Variants in TECTA observed in about 807,000 individuals in gnomAD.
TECTA encodes the protein alpha-tectorin.
A neutral mutation model predicts 216.8 loss-of-function variants in TECTA; 128 were observed. The ratio of observed to expected loss-of-function variants is 0.59; its 90% CI spans 0.51 to 0.68. The LOEUF is 0.68. Among genes scored for constraint, TECTA ranks in the 30% least tolerant of loss-of-function variants. TECTA has a pLI of 0.00. For synonymous variants in TECTA, 1,089 were observed against 1,117.1 expected, an observed-to-expected ratio of 0.97 and a Z score of 0.50; for missense variants, 2,551 against 2,786.2, an observed-to-expected ratio of 0.92 and a Z score of 1.90.
intron 21 of TECTA, 146 bp from the exon 22 acceptor site, chr11:121,188,934 G>A (rs1362021693): frequency 1.3e-6 from 1 of 762,898 alleles, no homozygotes; most frequent in Non-Finnish European, 2.3e-6. Context: ...TGGATTCAAT[G>A]ATCAAGAATG....
chr11:121,110,561 T>A (rs1033058553), intron 4 of TECTA: 2 of 152,200 alleles, frequency 1.3e-5, no homozygotes, highest in African/African-American at 2.4e-5. Flanking sequence ...TAAACAGCGA[T>A]GCATTGGCTA....
chr11:121,127,464 A>G lies in TECTA; in HGVS notation c.1775-288A>G, dbSNP rs1946623877. Among the ~76,000 whole-genome samples the G allele has an allele frequency of 6.6e-6, 1 of 152,070 alleles. No individual in the cohort carries two copies. The highest frequency in any genetic ancestry group is 1.9e-4 in the East Asian group (1 of 5,178). On this transcript the variant is annotated intron_variant, in intron 8 of 23. Coordinates refer to ENST00000392793, the MANE Select transcript of TECTA (RefSeq NM_005422.4). This position sits in a 1 kb window ranked among gnomAD's most constrained non-coding sequence, Gnocchi z 5.0. ...GTGTGGATCATCAAATAATAAACCT[A>G]TATTGGGTAATCAGTAGTCTAGAAA... is the stretch of plus-strand genomic sequence containing the variant.
At chr11:121,119,030 C>A (rs1172361795) in intron 7 of TECTA, among the ~76,000 whole-genome samples, 1 of 151,690 alleles carries the variant, frequency 6.6e-6, no homozygotes, top group South Asian at 2.1e-4. Flanking sequence ...CACACACACA[C>A]ACACACACAG....
chr11:121,125,698 C>T lies in TECTA; in HGVS notation c.1600C>T (p.Leu534=), dbSNP rs745324020. The T allele has an allele frequency of 7.5e-6, 12 of 1,610,204 alleles. No homozygotes were observed. In the Admixed American group the frequency reaches 8.3e-5, roughly 11 times the overall value. The change falls in exon 8 of 24, where the codon CTG becomes TTG. Residue 534 remains leucine (L), a synonymous_variant. Coordinates refer to ENST00000392793, the MANE Select transcript of TECTA (RefSeq NM_005422.4). ...CTTCCTCAACAAGACAGACGGCCCTCTGTGGGAGTGTGGCACTGTCGTGGA... is the reference window on the plus strand; with the variant it reads ...CTTCCTCAACAAGACAGACGGCCCTTTGTGGGAGTGTGGCACTGTCGTGGA... The part of the protein sequence containing the change: ...CGFLNKTDGP[L]WECGTVVDPT...
intron 3 of TECTA, among the ~76,000 whole-genome samples, chr11:121,106,748 C>T (rs1390117623): frequency 6.6e-6 from 1 of 152,206 alleles, no homozygotes; most frequent in African/African-American, 2.4e-5. Flanking sequence ...GGACCTCTCT[C>T]TTCCCCAACT....
chr11:121,102,322 T>C (rs1238248922), intron 1 of TECTA, among the ~76,000 whole-genome samples: 1 of 152,202 alleles, frequency 6.6e-6, no homozygotes, highest in Admixed American at 6.5e-5. Context: ...ATCTTTAGCG[T>C]TGGGTCCTAG....
In TECTA at chr11:121,109,506, T is replaced by C; in HGVS notation, c.486+8T>C. 6.2e-7 allele frequency: 1 copy of C among 1,614,098 alleles called. No individual in the cohort carries two copies. ...GGCAGCAGCACCACACCTGTAATAA[T>C]TCAAATTTTCTGCTTTCCACTTCAT... On this transcript the variant is annotated splice_region_variant and intron_variant, in intron 4 of 23. Transcript: ENST00000392793.
intron 20 of TECTA, among the ~76,000 whole-genome samples, chr11:121,183,969 C>T (rs910898547): frequency 2.0e-5 from 3 of 151,918 alleles, no homozygotes; most frequent in Admixed American, 1.3e-4. Flanking sequence ...CTCTATTTTT[C>T]GTAGAGACTT....
rs372508020 is a variant in TECTA at position 121,103,541 on chromosome 11, C to T, written c.64+812C>T. Among the ~76,000 whole-genome samples, 10 of 152,100 alleles carry T rather than the reference C, an allele frequency of 6.6e-5. No homozygotes were observed. In the East Asian group the frequency reaches 1.4e-3, roughly 21 times the overall value. On this transcript the variant is annotated intron_variant, in intron 2 of 23. Coordinates refer to ENST00000392793, the MANE Select transcript of TECTA (RefSeq NM_005422.4). ...AATGAAAGAGGGCCCTTGACTTCAA[C>T]CTCCTACCCCAGCTCCAAGAAAGTA...
intron 10 of TECTA, among the ~76,000 whole-genome samples, chr11:121,131,038 C>T (rs1946669323): frequency 2.0e-5 from 3 of 151,960 alleles, no homozygotes; most frequent in African/African-American, 7.3e-5. Flanking sequence ...CATGGGGAAA[C>T]CCTGTCTCTA....
intron 20 of TECTA, among the ~76,000 whole-genome samples, chr11:121,177,303 G>GT (rs1468598837): frequency 1.3e-5 from 2 of 152,102 alleles, no homozygotes; most frequent in African/African-American, 2.4e-5. Context: ...CATCTTTGTG[G>GT]TTTTATCTAC....
chr11:121,113,451 C>G lies in TECTA; in HGVS notation c.625-102C>G. On this transcript the variant is annotated intron_variant, in intron 5 of 23. Coordinates refer to ENST00000392793, the MANE Select transcript of TECTA (RefSeq NM_005422.4). The surrounding 1 kb of genome is among the most constrained non-coding windows in gnomAD (Gnocchi z 4.2). ...CCAGTGACTCCAGGAAAAGACGGCT[C>G]TTGATTTTAGAGGTGCTGGATTTTA... is the stretch of plus-strand genomic sequence containing the variant. The G allele has an allele frequency of 6.5e-7, 1 of 1,547,288 alleles. No homozygotes were observed. The highest frequency in any genetic ancestry group is 8.9e-7 in the Non-Finnish European group (1 of 1,121,824).
chr11:121,142,903 A>G (rs1946798471), intron 11 of TECTA, among the ~76,000 whole-genome samples: 1 of 151,950 alleles, frequency 6.6e-6, no homozygotes, highest in South Asian at 2.1e-4. Flanking sequence ...GTCTTTCTAC[A>G]GGGTCCTTCT....
intron 12 of TECTA, among the ~76,000 whole-genome samples, chr11:121,150,475 A>G (rs1218986671): frequency 6.6e-6 from 1 of 152,198 alleles, no homozygotes. Flanking sequence ...CCAAGGCTAA[A>G]AGGGAAACTT....
chr11:121,122,407 C>T (rs1329724166), intron 7 of TECTA, among the ~76,000 whole-genome samples: 1 of 152,150 alleles, frequency 6.6e-6, no homozygotes, highest in Non-Finnish European at 1.5e-5. Flanking sequence ...TACTTCCCAG[C>T]CTCCAGAACT....
chr11:121,135,753 A>T (rs547101390), intron 10 of TECTA, among the ~76,000 whole-genome samples: 1 of 152,372 alleles, frequency 6.6e-6, no homozygotes, highest in African/African-American at 2.4e-5. Flanking sequence ...CGAGCCAAAG[A>T]AAGTTTTAAA....
intron 6 of TECTA, among the ~76,000 whole-genome samples, chr11:121,117,155 T>C (rs1946509278): frequency 5.3e-5 from 8 of 152,222 alleles, no homozygotes; most frequent in Admixed American, 5.2e-4. Flanking sequence ...TCTTTGATAC[T>C]TGCCTTTTCA....
intron 13 of TECTA, among the ~76,000 whole-genome samples, chr11:121,154,779 G>C (rs1946925097): frequency 6.6e-6 from 1 of 152,204 alleles, no homozygotes; most frequent in African/African-American, 2.4e-5. Flanking sequence ...AATAATCTAT[G>C]CTGGGTTCCT....
rs768623152 is a variant in TECTA at position 121,113,235 on chromosome 11, C to T, written c.624+26C>T. The T allele has an allele frequency of 3.0e-5, 49 of 1,613,486 alleles. No homozygotes were observed. The highest frequency in any genetic ancestry group is 3.9e-5 in the Non-Finnish European group (46 of 1,179,990). On this transcript the variant is annotated intron_variant, in intron 5 of 23. Coordinates refer to ENST00000392793, the MANE Select transcript of TECTA (RefSeq NM_005422.4). The surrounding 1 kb of genome is among the most constrained non-coding windows in gnomAD (Gnocchi z 4.2). ...GTAGGTGGCTCTCCACTTCATCCCC[C>T]GCGTGTTTCCGTCGCTGCACTCTCT...
Sources: gnomAD v4.1 joint callset for allele counts (sites outside exome capture counted in the v4.1 genomes callset) on GRCh38, gnomAD v4.1.1 for gene constraint, Gnocchi (gnomAD v3.1) non-coding constraint, MANE v1.5 for transcripts, NCBI Gene and HGNC (gene_info 2026-07-23, HGNC 2026-07-21) for gene names.